The following KCNAB2 variants were observed in gnomAD, a reference collection of about 807,000 sequenced individuals.
The protein encoded by KCNAB2 is voltage-gated potassium channel subunit beta-2.
Under a neutral mutation model 63.6 loss-of-function variants are expected in KCNAB2, and 29 were observed. That is an observed-to-expected ratio of 0.46 (90% CI 0.34 to 0.62). The LOEUF is 0.62. Among genes scored for constraint, KCNAB2 ranks in the 20% least tolerant of loss-of-function variants. KCNAB2 has a pLI of 0.01. For synonymous variants in KCNAB2, 222 were observed against 224.2 expected, an observed-to-expected ratio of 0.99 and a Z score of 0.09; for missense variants, 359 against 563.9, an observed-to-expected ratio of 0.64 and a Z score of 3.68.
intron 4 of KCNAB2, 148 bp from the exon 5 acceptor site, chr1:6,082,047 G>A (rs962803602): frequency 1.5e-6 from 1 of 652,668 alleles, no homozygotes; most frequent in African/African-American, 1.8e-5. Context: ...GGCAGGAGAG[G>A]GCAAGGAGAC....
At chr1:6,042,978 A>G (rs980632314), upstream of KCNAB2, among the ~76,000 whole-genome samples, 2 of 151,736 alleles carry the variant, frequency 1.3e-5, no homozygotes, top group South Asian at 2.1e-4. Flanking sequence ...GACATGGCCA[A>G]CTCTTAGATC....
At chr1:6,095,491 C>G (rs767167191) in intron 12 of KCNAB2, 39 bp from the exon 13 acceptor site, 10 of 1,549,786 alleles carry the variant, frequency 6.5e-6, no homozygotes, top group Non-Finnish European at 8.0e-6. Context: ...CCCCTGCTCT[C>G]GGGCCCAGGG....
rs1462740582 is a variant in KCNAB2 at position 6,086,393 on chromosome 1, G to A, written c.426-1074G>A. 8.1e-6 allele frequency: 8 copies of A among 984,776 alleles called. No homozygotes were observed. Among genetic ancestry groups the A allele is most frequent in the African/African-American group, 1.7e-5 (1 of 57,228 alleles). The allele number at this position is 984,776 out of a possible 1,614,324, so 61.0% of individuals were successfully genotyped here. A position where few individuals can be genotyped will look rare whatever the true frequency, so the allele number is the denominator to read the frequency against. ...CAAATCCCCTGATCACGTCTTTGGC[G>A]AATGTGCATGGAGGTGGTGTGGGGT... On this transcript the variant is annotated intron_variant, in intron 6 of 15. Transcript: ENST00000378083. This position sits in a 1 kb window ranked among gnomAD's most constrained non-coding sequence, Gnocchi z 4.2.
At chr1:6,041,702 G>A (rs1049642296), upstream of KCNAB2, 7 of 778,874 alleles carry the variant, frequency 9.0e-6, no homozygotes, top group Non-Finnish European at 1.3e-5. Context: ...CAGGCGACTG[G>A]TGGGGGCCCG....
Position 6,014,832 on chromosome 1 carries a change from G to GA in KCNAB2, c.-53+22046dup, listed in dbSNP as rs556590446. Among the ~76,000 whole-genome samples the GA allele has an allele frequency of 5.3e-3, 802 of 152,298 alleles. 6 individuals carry two copies. Among genetic ancestry groups the GA allele is most frequent in the African/African-American group, 0.018 (730 of 41,562 alleles). ...AGGCAGCATGGGAACCACTTGGCCAGAAGTTTCCTCTTTGACCTGAAGGAG... is the reference window on the plus strand; with the variant it reads ...AGGCAGCATGGGAACCACTTGGCCAGAAAGTTTCCTCTTTGACCTGAAGGAG... On this transcript the variant is annotated intron_variant, in intron 1 of 16. Transcript: ENST00000341524.
upstream of KCNAB2, among the ~76,000 whole-genome samples, chr1:6,044,564 G>A (rs1264429333): frequency 3.9e-5 from 6 of 152,314 alleles, no homozygotes; most frequent in South Asian, 8.3e-4. Flanking sequence ...AGAATAAAGA[G>A]AGGCTGGCTG....
chr1:6,028,954 C>T lies in KCNAB2; in HGVS notation c.-52-11563C>T, dbSNP rs540890746. On this transcript the variant is annotated intron_variant, in intron 1 of 16. Transcript: ENST00000341524. This position sits in a 1 kb window ranked among gnomAD's most constrained non-coding sequence, Gnocchi z 4.0. ...TGGATGCAGCCACAGAAAGCCTAAGCGCCACAAGTCCCGCCATGACGCCCT... is the reference window on the plus strand; with the variant it reads ...TGGATGCAGCCACAGAAAGCCTAAGTGCCACAAGTCCCGCCATGACGCCCT... Among the ~76,000 whole-genome samples the T allele has an allele frequency of 3.9e-5, 6 of 152,326 alleles. No individual in the cohort carries two copies. The East Asian group carries it at 9.6e-4, about 24-fold the overall frequency.
chr1:6,005,876 A>G (rs1263794321), intron 1 of KCNAB2, among the ~76,000 whole-genome samples: 1 of 151,240 alleles, frequency 6.6e-6, no homozygotes, highest in Non-Finnish European at 1.5e-5. Context: ...CTCTGTTCTG[A>G]TGTTCTGATC....
In KCNAB2 at chr1:6,100,396, A is replaced by C. The variant is rs45473494; in HGVS notation, c.*1822A>C. ...GGGTGGGGAAGTCCCTTCCCAACGG[A>C]GGTCCCAGCCTATGGCCCTGGGCCC... On this transcript the variant is annotated 3_prime_UTR_variant, in exon 16 of 16. Coordinates refer to ENST00000378083, the MANE Select transcript of KCNAB2 (RefSeq NM_001199862.2). The C allele has an allele frequency of 3.6e-3, 692 of 193,690 alleles. 2 individuals carry two copies. The highest frequency in any genetic ancestry group is 5.4e-3 in the Non-Finnish European group (518 of 95,468). 12.0% of individuals were successfully genotyped at this position (193,690 alleles called of 1,614,324 possible).
rs574751852 is a variant in KCNAB2 at position 6,073,971 on chromosome 1, C to T, written c.300+201C>T. 1.0e-5 allele frequency: 6 copies of T among 598,292 alleles called. No homozygotes were observed. Among genetic ancestry groups the T allele is most frequent in the Non-Finnish European group, 1.5e-5 (5 of 333,730 alleles). The allele number at this position is 598,292 out of a possible 1,614,324, so 37.1% of individuals were successfully genotyped here. A position where few individuals can be genotyped will look rare whatever the true frequency, so the allele number is the denominator to read the frequency against. On this transcript the variant is annotated intron_variant, in intron 4 of 15. Coordinates refer to ENST00000378083, the MANE Select transcript of KCNAB2 (RefSeq NM_001199862.2). This position sits in a 1 kb window ranked among gnomAD's most constrained non-coding sequence, Gnocchi z 5.7. ...AGGTGGCCATGGCCAGAGGGGATGC[C>T]GAGTCTGGTGCCATCACCCAGCAGT...
intron 2 of KCNAB2, among the ~76,000 whole-genome samples, chr1:6,072,485 C>A (rs1663288552): frequency 6.6e-6 from 1 of 152,238 alleles, no homozygotes; most frequent in East Asian, 1.9e-4. Flanking sequence ...CTGTGCATTT[C>A]CATCTGTCCT....
At chr1:6,064,596 A>G (rs989625978) in intron 2 of KCNAB2, among the ~76,000 whole-genome samples, 1 of 152,188 alleles carries the variant, frequency 6.6e-6, no homozygotes, top group East Asian at 1.9e-4. Flanking sequence ...GTAGGGGCCA[A>G]AGGTGGAATG....
At chr1:6,019,399 T>G (rs1002672216) in intron 1 of KCNAB2, among the ~76,000 whole-genome samples, 2 of 152,196 alleles carry the variant, frequency 1.3e-5, no homozygotes, top group South Asian at 2.1e-4. Context: ...ACCCCTGTCC[T>G]ACAGCAAGGA....
rs1665845853 is a variant in KCNAB2 at position 6,098,699 on chromosome 1, G to A, written c.*125G>A. ...CCAAGAGAAAACACCACACTGTGAT[G>A]TCATCGGGAAATGATCTCCCAAGTC... is the stretch of plus-strand genomic sequence containing the variant. On this transcript the variant is annotated 3_prime_UTR_variant, in exon 16 of 16. Transcript: ENST00000378083. 8.2e-7 allele frequency: 1 copy of A among 1,216,722 alleles called. No homozygotes were observed. Among genetic ancestry groups the A allele is most frequent in the African/African-American group, 1.5e-5 (1 of 65,724 alleles). 75.4% of individuals were successfully genotyped at this position (1,216,722 alleles called of 1,614,324 possible).
At chr1:6,042,305 G>C (rs1660561509), upstream of KCNAB2, among the ~76,000 whole-genome samples, 1 of 152,202 alleles carries the variant, frequency 6.6e-6, no homozygotes, top group Non-Finnish European at 1.5e-5. Context: ...AACTCACAGA[G>C]CTCCTCAGGC....
chr1:6,044,867 G>A (rs1192589328), upstream of KCNAB2, among the ~76,000 whole-genome samples: 2 of 152,200 alleles, frequency 1.3e-5, no homozygotes, highest in East Asian at 3.9e-4. Flanking sequence ...CACAGGGCTT[G>A]GCCACTGATG....
rs1034972650 is a variant in KCNAB2 at position 5,999,940 on chromosome 1, G to A, written c.-53+7152G>A. ...TGTGCCCCGTCCGCATCCCGCCTGC[G>A]CCCTGTCTGTGCCCCGTCCGCACCC... is the stretch of plus-strand genomic sequence containing the variant. On this transcript the variant is annotated intron_variant, in intron 1 of 16. Coordinates refer to the KCNAB2 transcript ENST00000341524. Among the ~76,000 whole-genome samples, 11 of 141,598 alleles carry A rather than the reference G, an allele frequency of 7.8e-5. No individual in the cohort carries two copies. In the East Asian group the frequency reaches 7.9e-4, roughly 10 times the overall value. 92.9% of individuals were successfully genotyped at this position (141,598 alleles called of 152,430 possible).
At chr1:6,081,122 T>G (rs752848634) in intron 4 of KCNAB2, among the ~76,000 whole-genome samples, 15 of 152,232 alleles carry the variant, frequency 9.9e-5, no homozygotes, top group Non-Finnish European at 1.9e-4. Context: ...TCTTTGCTCA[T>G]GGAGCACAAT....
At chr1:6,070,353 A>C (rs1417473450) in intron 2 of KCNAB2, among the ~76,000 whole-genome samples, 1 of 152,166 alleles carries the variant, frequency 6.6e-6, no homozygotes, top group Admixed American at 6.5e-5. Context: ...TTCTTACCAC[A>C]GTTACTTTCT....
Sources: allele counts gnomAD v4.1 joint callset (sites outside exome capture counted in the v4.1 genomes callset), GRCh38; gene constraint gnomAD v4.1.1; non-coding constraint Gnocchi (gnomAD v3.1); transcripts MANE v1.5; gene names NCBI Gene and HGNC (gene_info 2026-07-23, HGNC 2026-07-21).